The following FHIT variants were observed in gnomAD, a reference collection of about 807,000 sequenced individuals.
FHIT encodes the protein bis(5'-adenosyl)-triphosphatase.
Under a neutral mutation model 17.9 loss-of-function variants are expected in FHIT, and 19 were observed. That is an observed-to-expected ratio of 1.06 (90% CI 0.74 to 1.56). FHIT has a LOEUF of 1.56. FHIT is among the 40% of genes most tolerant of loss of function. The pLI is 0.00. For synonymous variants in FHIT, 81 were observed against 69.7 expected (o/e 1.16, Z -0.81); for missense variants, 248 against 189.2 (o/e 1.31, Z -1.82).
chr3:60,840,655 T>C (rs950147260), intron 3 of FHIT, among the ~76,000 whole-genome samples: 5 of 152,228 alleles, frequency 3.3e-5, no homozygotes, highest in Admixed American at 2.0e-4. Context: ...ATTCTCTACA[T>C]AGATTTTATT....
intron 8 of FHIT, among the ~76,000 whole-genome samples, chr3:59,763,932 T>C (rs1438256284): frequency 6.6e-6 from 1 of 152,186 alleles, no homozygotes; most frequent in Non-Finnish European, 1.5e-5. Context: ...ACTGAATGAT[T>C]CTTTCAGTCA....
intron 5 of FHIT, among the ~76,000 whole-genome samples, chr3:60,448,744 T>A (rs750479796): frequency 2.0e-5 from 3 of 152,180 alleles, no homozygotes; most frequent in Non-Finnish European, 4.4e-5. Context: ...TAGCTATTCT[T>A]AAATTCTGAG....
At chr3:61,038,909 C>A (rs2033377559) in intron 3 of FHIT, among the ~76,000 whole-genome samples, 1 of 152,102 alleles carries the variant, frequency 6.6e-6, no homozygotes, top group African/African-American at 2.4e-5. Context: ...CCACATTAAA[C>A]CAAATGTGGG....
At chr3:60,927,143 G>A (rs1707665510) in intron 3 of FHIT, among the ~76,000 whole-genome samples, 1 of 152,202 alleles carries the variant, frequency 6.6e-6, no homozygotes, top group Non-Finnish European at 1.5e-5. Context: ...GGGATTGCAG[G>A]CGTGCGCTGC....
At chr3:60,321,670 C>G (rs1430522687) in intron 5 of FHIT, among the ~76,000 whole-genome samples, 1 of 152,178 alleles carries the variant, frequency 6.6e-6, no homozygotes, top group Non-Finnish European at 1.5e-5. Flanking sequence ...TGATTTCTGT[C>G]TCAGTCTATT....
At chr3:60,641,837 T>TTC (rs1553685372) in intron 4 of FHIT, among the ~76,000 whole-genome samples, 1 of 152,058 alleles carries the variant, frequency 6.6e-6, no homozygotes, top group Non-Finnish European at 1.5e-5. Context: ...TGAAGAGAAA[T>TTC]AAACTATTTT....
intron 5 of FHIT, among the ~76,000 whole-genome samples, chr3:60,329,586 A>G (rs1321313751): frequency 1.3e-5 from 2 of 152,266 alleles, no homozygotes; most frequent in Non-Finnish European, 2.9e-5. Context: ...GAAATGGGTT[A>G]AGATTTGGAA....
intron 7 of FHIT, among the ~76,000 whole-genome samples, chr3:59,974,170 G>T (rs777736136): frequency 5.3e-5 from 8 of 152,048 alleles, no homozygotes; most frequent in Non-Finnish European, 1.0e-4. Context: ...AGTTACCATT[G>T]CCTGTCTATT....
At chr3:60,933,787 G>A (rs1708070583) in intron 3 of FHIT, among the ~76,000 whole-genome samples, 1 of 152,160 alleles carries the variant, frequency 6.6e-6, no homozygotes, top group Non-Finnish European at 1.5e-5. Context: ...ATAGAAAGGT[G>A]CCCTCCTTTC....
At chr3:60,492,059 G>A (rs997608756) in intron 5 of FHIT, among the ~76,000 whole-genome samples, 1 of 152,068 alleles carries the variant, frequency 6.6e-6, no homozygotes. Flanking sequence ...TGACATCTCG[G>A]ACATAAATAT....
intron 7 of FHIT, among the ~76,000 whole-genome samples, chr3:59,929,898 A>G (rs1705882474): frequency 6.6e-6 from 1 of 151,882 alleles, no homozygotes. Context: ...CCCAGACAAA[A>G]ACCCTGAAGC....
At chr3:60,694,607 A>G (rs2041071690) in intron 4 of FHIT, among the ~76,000 whole-genome samples, 1 of 152,224 alleles carries the variant, frequency 6.6e-6, no homozygotes, top group South Asian at 2.1e-4. Flanking sequence ...ATAAAGACAC[A>G]TGCACACATA....
At chr3:60,082,163 T>G (rs942710110) in intron 5 of FHIT, among the ~76,000 whole-genome samples, 1 of 151,902 alleles carries the variant, frequency 6.6e-6, no homozygotes, top group Non-Finnish European at 1.5e-5. Context: ...GCTGCCATTT[T>G]CATGTCCATG....
intron 3 of FHIT, among the ~76,000 whole-genome samples, chr3:60,882,724 G>A (rs1215006377): frequency 6.6e-6 from 1 of 151,976 alleles, no homozygotes; most frequent in Non-Finnish European, 1.5e-5. Context: ...TCAACATAGT[G>A]AAGGCCATAT....
chr3:60,252,149 T>A (rs1480355497), intron 5 of FHIT, among the ~76,000 whole-genome samples: 2 of 152,176 alleles, frequency 1.3e-5, no homozygotes, highest in African/African-American at 2.4e-5. Flanking sequence ...TTGCAACAGC[T>A]CTGTTGTTAA....
intron 4 of FHIT, among the ~76,000 whole-genome samples, chr3:60,571,476 A>G (rs573187960): frequency 1.3e-5 from 2 of 152,052 alleles, no homozygotes; most frequent in Non-Finnish European, 2.9e-5. Flanking sequence ...GATTATACAG[A>G]AGTCTTTAGG....
intron 3 of FHIT, among the ~76,000 whole-genome samples, chr3:60,890,334 C>T (rs957545491): frequency 1.3e-5 from 2 of 151,596 alleles, no homozygotes; most frequent in African/African-American, 2.4e-5. Context: ...CGAGTGAATC[C>T]GTTGATCTTC....
chr3:60,983,631 C>A (rs188564233), intron 3 of FHIT, among the ~76,000 whole-genome samples: 1 of 152,240 alleles, frequency 6.6e-6, no homozygotes, highest in Non-Finnish European at 1.5e-5. Context: ...AGTGACCTGG[C>A]TCTGTAACCA....
intron 5 of FHIT, among the ~76,000 whole-genome samples, chr3:60,491,301 T>G (rs543252773): frequency 1.3e-5 from 2 of 152,192 alleles, no homozygotes; most frequent in South Asian, 4.2e-4. Flanking sequence ...ACCCACTCCC[T>G]TACACACATA....
Sources: allele counts gnomAD v4.1 joint callset (sites outside exome capture counted in the v4.1 genomes callset), GRCh38; gene constraint gnomAD v4.1.1; transcripts MANE v1.5; gene names NCBI Gene and HGNC (gene_info 2026-07-23, HGNC 2026-07-21).